CHCHD6: variants seen among roughly 807,000 people sequenced by gnomAD.
The protein encoded by CHCHD6 is MICOS complex subunit MIC25.
A neutral mutation model predicts 32.3 loss-of-function variants in CHCHD6; 28 were observed. The ratio of observed to expected loss-of-function variants is 0.87; its 90% CI spans 0.64 to 1.19. The LOEUF is 1.19. Ranked by LOEUF, CHCHD6 falls within the 50% of genes most tolerant of loss-of-function variation. The pLI is 0.00. For synonymous variants in CHCHD6, 122 were observed against 117.5 expected, an observed-to-expected ratio of 1.04 and a Z score of -0.25; for missense variants, 333 against 307.0, an observed-to-expected ratio of 1.08 and a Z score of -0.63.
rs372227803 is a variant in CHCHD6, at chr3:126,849,186, C to T, written c.412-3461C>T. ...ATCAGCTTCTTATTTTAGGGAGATCCCTAGGCTGCAGGTCGCCAGCCTGGC... is the reference window on the plus strand; with the variant it reads ...ATCAGCTTCTTATTTTAGGGAGATCTCTAGGCTGCAGGTCGCCAGCCTGGC... On this transcript the variant is annotated intron_variant, in intron 4 of 7. Coordinates refer to ENST00000290913, the MANE Select transcript of CHCHD6 (RefSeq NM_032343.3). 1.2e-4 allele frequency among the ~76,000 whole-genome samples: 19 copies of T among 152,336 alleles called. No individual in the cohort carries two copies. In the South Asian group the frequency reaches 3.7e-3, roughly 30 times the overall value.
intron 5 of CHCHD6, among the ~76,000 whole-genome samples, chr3:126,861,825 T>C (rs369049441): frequency 0.3 from 1,126 of 3,788 alleles, no homozygotes; most frequent in African/African-American, 0.31. Flanking sequence ...CCACCTCCCC[T>C]TCCTCCACCA....
At chr3:126,944,099 A>G (rs2078600782) in intron 6 of CHCHD6, among the ~76,000 whole-genome samples, 1 of 152,246 alleles carries the variant, frequency 6.6e-6, no homozygotes, top group African/African-American at 2.4e-5. Context: ...CACAGTGAGG[A>G]TGGGAGAAGG....
At chr3:126,732,039 A>G (rs1419786342) in intron 3 of CHCHD6, among the ~76,000 whole-genome samples, 2 of 148,592 alleles carry the variant, frequency 1.3e-5, no homozygotes, top group Non-Finnish European at 3.0e-5. Flanking sequence ...TGATTGCACC[A>G]CTGCACTCCA....
intron 5 of CHCHD6, among the ~76,000 whole-genome samples, chr3:126,859,648 T>C (rs770000326): frequency 6.6e-5 from 10 of 152,168 alleles, no homozygotes; most frequent in Non-Finnish European, 1.2e-4. Context: ...ATATTACACA[T>C]GTTCTACAAA....
intron 4 of CHCHD6, among the ~76,000 whole-genome samples, chr3:126,819,051 C>T (rs549571050): frequency 2.1e-3 from 323 of 152,304 alleles, no homozygotes; most frequent in Non-Finnish European, 3.6e-3. Flanking sequence ...CACTGGCTGT[C>T]CCCACCCCAT....
chr3:126,881,607 G>T (rs779308248), intron 5 of CHCHD6, among the ~76,000 whole-genome samples: 1 of 152,178 alleles, frequency 6.6e-6, no homozygotes, highest in Non-Finnish European at 1.5e-5. Flanking sequence ...TCTCAAGATT[G>T]CTGTAAAAAC....
At chr3:126,852,504 C>T (rs1287862395) in intron 4 of CHCHD6, 143 bp from the exon 5 acceptor site, 1 of 617,306 alleles carries the variant, frequency 1.6e-6, no homozygotes. Flanking sequence ...TGTGAATGAT[C>T]TGGCATATCA....
chr3:126,719,367 A>C (rs1935169699), intron 1 of CHCHD6, among the ~76,000 whole-genome samples: 1 of 152,196 alleles, frequency 6.6e-6, no homozygotes, highest in African/African-American at 2.4e-5. Flanking sequence ...AGGCTTCCCT[A>C]GTGCATGCGG....
At chr3:126,906,149 C>T (rs573897612) in intron 5 of CHCHD6, among the ~76,000 whole-genome samples, 1 of 152,316 alleles carries the variant, frequency 6.6e-6, no homozygotes, top group Non-Finnish European at 1.5e-5. Flanking sequence ...CCCATTGTCT[C>T]CTCTATGTTT....
intron 4 of CHCHD6, among the ~76,000 whole-genome samples, chr3:126,837,400 C>T (rs1168661641): frequency 2.0e-5 from 3 of 151,968 alleles, no homozygotes; most frequent in Non-Finnish European, 4.4e-5. Context: ...CCCATCTCAC[C>T]AAAATTTAAA....
At chr3:126,806,103 A>G (rs1939363276) in intron 4 of CHCHD6, among the ~76,000 whole-genome samples, 1 of 152,250 alleles carries the variant, frequency 6.6e-6, no homozygotes, top group Non-Finnish European at 1.5e-5. Context: ...AAACCCTAGA[A>G]GAAAACCTAG....
chr3:126,777,524 C>T (rs1937707537), intron 4 of CHCHD6, among the ~76,000 whole-genome samples: 1 of 152,138 alleles, frequency 6.6e-6, no homozygotes, highest in Non-Finnish European at 1.5e-5. Context: ...TAACAAGATA[C>T]CCTCTAGGAG....
At chr3:126,944,214 A>G (rs2078602589) in intron 6 of CHCHD6, among the ~76,000 whole-genome samples, 2 of 152,256 alleles carry the variant, frequency 1.3e-5, no homozygotes, top group Non-Finnish European at 2.9e-5. Context: ...TGGCCCAGAC[A>G]GACGCCTGTT....
At chr3:126,868,663 A>G (rs1382953655) in intron 5 of CHCHD6, among the ~76,000 whole-genome samples, 2 of 152,168 alleles carry the variant, frequency 1.3e-5, no homozygotes, top group Non-Finnish European at 2.9e-5. Flanking sequence ...ATGGAATTGT[A>G]ACCATGCATG....
At chr3:126,760,844 TC>T (rs1376798618) in intron 4 of CHCHD6, among the ~76,000 whole-genome samples, 1 of 152,190 alleles carries the variant, frequency 6.6e-6, no homozygotes, top group Non-Finnish European at 1.5e-5. Context: ...CTTTTTTTTT[TC>T]TCATTTGGAG....
At chr3:126,899,916 A>G (rs1357570066) in intron 5 of CHCHD6, among the ~76,000 whole-genome samples, 5 of 152,236 alleles carry the variant, frequency 3.3e-5, no homozygotes, top group African/African-American at 9.6e-5. Flanking sequence ...GTGAGAGCCA[A>G]TAATTCCCTT....
chr3:126,798,215 G>C (rs1425790023), intron 4 of CHCHD6, among the ~76,000 whole-genome samples: 1 of 152,168 alleles, frequency 6.6e-6, no homozygotes, highest in African/African-American at 2.4e-5. Flanking sequence ...TGTGAGAGGA[G>C]TGCTGAGTAG....
intron 4 of CHCHD6, among the ~76,000 whole-genome samples, chr3:126,838,172 A>G (rs894112873): frequency 1.3e-5 from 2 of 152,248 alleles, no homozygotes; most frequent in African/African-American, 2.4e-5. Flanking sequence ...CAGAGAGCCT[A>G]CAGTATTTCA....
chr3:126,940,225 C>G (rs2078539448), intron 6 of CHCHD6, among the ~76,000 whole-genome samples: 1 of 152,210 alleles, frequency 6.6e-6, no homozygotes, highest in Admixed American at 6.5e-5. Flanking sequence ...CTTCCTGCTT[C>G]AGTTTGGTGA....
Sources: gnomAD v4.1 joint callset for allele counts (sites outside exome capture counted in the v4.1 genomes callset) on GRCh38, gnomAD v4.1.1 for gene constraint, MANE v1.5 for transcripts, NCBI Gene and HGNC (gene_info 2026-07-23, HGNC 2026-07-21) for gene names.